CRYL1: variants seen among roughly 807,000 people sequenced by gnomAD.
CRYL1 encodes lambda-crystallin homolog.
In CRYL1, 29 loss-of-function variants were observed where a neutral mutation model predicts 36.6. That is an observed-to-expected ratio of 0.79 (90% CI 0.59 to 1.08). CRYL1 has a LOEUF of 1.08. Among genes scored for constraint, CRYL1 ranks in the 50% least tolerant of loss-of-function variants. The probability of loss-of-function intolerance (pLI) is 0.00; values close to 1 mark genes in which losing one functional copy is unlikely to be tolerated. For synonymous variants in CRYL1, 152 were observed against 151.5 expected (o/e 1.00, Z -0.02); for missense variants, 411 against 407.9 (o/e 1.01, Z -0.06).
intron 2 of CRYL1, among the ~76,000 whole-genome samples, chr13:20,510,718 C>T (rs1278131472): frequency 2.6e-5 from 4 of 151,378 alleles, no homozygotes; most frequent in Admixed American, 1.3e-4. Context: ...GCTCAAGTGA[C>T]TCTCATGTCT....
intron 6 of CRYL1, chr13:20,405,940 G>GC (rs1370754341): frequency 6.6e-6 from 1 of 152,326 alleles, no homozygotes; most frequent in African/African-American, 2.4e-5. Context: ...CTGCCGGGAG[G>GC]CGAACGGGCT....
chr13:20,426,999 T>G (rs759850206), intron 5 of CRYL1: 1 of 985,560 alleles, frequency 1.0e-6, no homozygotes, highest in Non-Finnish European at 1.2e-6. Flanking sequence ...ACCAGCAGGC[T>G]GAGAACCTGC....
At chr13:20,442,887 G>A (rs973550247) in intron 3 of CRYL1, among the ~76,000 whole-genome samples, 3 of 152,134 alleles carry the variant, frequency 2.0e-5, no homozygotes, top group African/African-American at 7.2e-5. Context: ...ATAAAACTCT[G>A]GGGAGAGGTA....
intron 3 of CRYL1, among the ~76,000 whole-genome samples, chr13:20,442,006 C>T (rs2032360778): frequency 6.6e-6 from 1 of 152,168 alleles, no homozygotes; most frequent in Admixed American, 6.5e-5. Flanking sequence ...GGAAAAAGAG[C>T]TACAGTAGCT....
chr13:20,500,631 T>C (rs976457819), intron 2 of CRYL1, among the ~76,000 whole-genome samples: 2 of 152,194 alleles, frequency 1.3e-5, no homozygotes, highest in Non-Finnish European at 2.9e-5. Flanking sequence ...GAGAAAAAGA[T>C]TGTGTTTCAG....
intron 2 of CRYL1, among the ~76,000 whole-genome samples, chr13:20,499,193 A>G (rs2033660612): frequency 6.6e-6 from 1 of 152,044 alleles, no homozygotes; most frequent in African/African-American, 2.4e-5. Context: ...AAAAAATACA[A>G]AAATTAGCTG....
intron 2 of CRYL1, among the ~76,000 whole-genome samples, chr13:20,508,722 G>A (rs959051071): frequency 4.6e-5 from 7 of 151,374 alleles, no homozygotes; most frequent in Non-Finnish European, 7.4e-5. Flanking sequence ...GGTGGCGGGC[G>A]CCTGTAGTCC....
At chr13:20,499,270 C>T (rs1304005999) in intron 2 of CRYL1, among the ~76,000 whole-genome samples, 1 of 149,538 alleles carries the variant, frequency 6.7e-6, no homozygotes, top group Non-Finnish European at 1.5e-5. Flanking sequence ...TGCTTGAGCC[C>T]AGGGGGCAGA....
intron 5 of CRYL1, among the ~76,000 whole-genome samples, chr13:20,429,564 G>T (rs1167535146): frequency 1.3e-5 from 2 of 152,138 alleles, no homozygotes; most frequent in African/African-American, 4.8e-5. Context: ...ACAGTGTCAG[G>T]TACACCACTG....
chr13:20,503,818 A>G (rs2033745448), intron 2 of CRYL1, among the ~76,000 whole-genome samples: 2 of 152,224 alleles, frequency 1.3e-5, no homozygotes, highest in South Asian at 4.1e-4. Flanking sequence ...CCTAGGTAGC[A>G]AGTTAAAAAC....
intron 6 of CRYL1, among the ~76,000 whole-genome samples, chr13:20,408,200 C>T (rs895054512): frequency 6.6e-6 from 1 of 152,192 alleles, no homozygotes; most frequent in Non-Finnish European, 1.5e-5. Context: ...GGAGGCAGAA[C>T]CGACCCGGGC....
At chr13:20,467,807 A>C (rs997976584) in intron 3 of CRYL1, among the ~76,000 whole-genome samples, 1 of 152,156 alleles carries the variant, frequency 6.6e-6, no homozygotes, top group Non-Finnish European at 1.5e-5. Flanking sequence ...ATACTTCAAC[A>C]CAGGGGTCTG....
intron 3 of CRYL1, among the ~76,000 whole-genome samples, chr13:20,460,549 G>A (rs1467997794): frequency 2.8e-5 from 3 of 107,734 alleles, no homozygotes; most frequent in Admixed American, 1.4e-4. Context: ...TTTTTGAGAC[G>A]GAGTCTCGCT....
chr13:20,412,482 C>T (rs2031549962), intron 6 of CRYL1, among the ~76,000 whole-genome samples: 1 of 152,140 alleles, frequency 6.6e-6, no homozygotes, highest in Admixed American at 6.5e-5. Flanking sequence ...TACTTATAAT[C>T]TCAGTACCAA....
At chr13:20,482,678 C>G (rs577667680) in intron 3 of CRYL1, among the ~76,000 whole-genome samples, 1 of 152,270 alleles carries the variant, frequency 6.6e-6, no homozygotes, top group South Asian at 2.1e-4. Flanking sequence ...GGCTTCGCCC[C>G]CTGGGGCTGG....
rs1226961090 is a variant in CRYL1, at chr13:20,415,085, G to C, written c.634-1698C>G. On this transcript the variant is annotated intron_variant, in intron 5 of 7. Coordinates refer to ENST00000298248, the MANE Select transcript of CRYL1 (RefSeq NM_015974.3). The surrounding 1 kb of genome is among the most constrained non-coding windows in gnomAD (Gnocchi z 4.1). Reference sequence around the variant, plus strand: ...GGCCTGGGCGGGCCCGCCTGCCCTCGGCTGAGCCCGGTTTCCCTACCCCGG... The same window carrying C: ...GGCCTGGGCGGGCCCGCCTGCCCTCCGCTGAGCCCGGTTTCCCTACCCCGG... Among the ~76,000 whole-genome samples the C allele has an allele frequency of 1.3e-5, 2 of 152,250 alleles. No individual in the cohort carries two copies. Among genetic ancestry groups the C allele is most frequent in the East Asian group, 3.9e-4 (2 of 5,156 alleles).
At chr13:20,489,847 G>C (rs891876111) in intron 2 of CRYL1, among the ~76,000 whole-genome samples, 1 of 152,184 alleles carries the variant, frequency 6.6e-6, no homozygotes, top group African/African-American at 2.4e-5. Flanking sequence ...GTACACCCAT[G>C]TGCACAGCAG....
At chr13:20,470,456 C>T (rs1450722602) in intron 3 of CRYL1, among the ~76,000 whole-genome samples, 1 of 152,218 alleles carries the variant, frequency 6.6e-6, no homozygotes, top group African/African-American at 2.4e-5. Flanking sequence ...GTCCAATCTT[C>T]TGAGGACTTT....
At chr13:20,414,379 T>C (rs1214340817) in intron 5 of CRYL1, among the ~76,000 whole-genome samples, 1 of 151,808 alleles carries the variant, frequency 6.6e-6, no homozygotes, top group Non-Finnish European at 1.5e-5. Context: ...CCCTACAACC[T>C]ACGGACCGCC....
Sources: gnomAD v4.1 joint callset for allele counts (sites outside exome capture counted in the v4.1 genomes callset) on GRCh38, gnomAD v4.1.1 for gene constraint, Gnocchi (gnomAD v3.1) non-coding constraint, MANE v1.5 for transcripts, NCBI Gene and HGNC (gene_info 2026-07-23, HGNC 2026-07-21) for gene names.